The following TNR variants were observed in gnomAD, a reference collection of about 807,000 sequenced individuals.
TNR encodes tenascin R.
In TNR, 45 loss-of-function variants were observed where a neutral mutation model predicts 150.4. That is an observed-to-expected ratio of 0.30 (90% CI 0.24 to 0.38). The LOEUF is 0.38. TNR is among the 10% of genes least tolerant of loss of function. TNR has a pLI of 1.00. For missense variants in TNR, 1,544 were observed against 1,759.1 expected, an observed-to-expected ratio of 0.88 and a Z score of 2.19; for synonymous variants, 687 against 678.4, an observed-to-expected ratio of 1.01 and a Z score of -0.20.
intron 9 of TNR, among the ~76,000 whole-genome samples, chr1:175,378,785 C>A (rs1652529328): frequency 6.6e-6 from 1 of 152,168 alleles, no homozygotes; most frequent in Non-Finnish European, 1.5e-5. Flanking sequence ...CCAGGCAGGG[C>A]CTGGTGTCCA....
chr1:175,712,057 T>C (rs942126355), intron 1 of TNR, among the ~76,000 whole-genome samples: 1 of 152,098 alleles, frequency 6.6e-6, no homozygotes, highest in Non-Finnish European at 1.5e-5. Flanking sequence ...TAAAAACTAC[T>C]CTCCCCTCTT....
chr1:175,511,455 G>C (rs1659169250), intron 2 of TNR, among the ~76,000 whole-genome samples: 1 of 152,188 alleles, frequency 6.6e-6, no homozygotes, highest in Admixed American at 6.5e-5. Flanking sequence ...ATTTGATAGA[G>C]GAATGATGGA....
intron 1 of TNR, among the ~76,000 whole-genome samples, chr1:175,574,940 C>T (rs571472186): frequency 1.3e-5 from 2 of 152,346 alleles, no homozygotes; most frequent in African/African-American, 4.8e-5. Flanking sequence ...ATTAGGGATT[C>T]AGTGGTGGAC....
chr1:175,619,768 T>G (rs1366245762), intron 1 of TNR, among the ~76,000 whole-genome samples: 1 of 152,140 alleles, frequency 6.6e-6, no homozygotes, highest in African/African-American at 2.4e-5. Context: ...AGGAAATTGG[T>G]AGTAATCAAA....
At chr1:175,490,054 C>T (rs1658178788) in intron 2 of TNR, among the ~76,000 whole-genome samples, 1 of 152,128 alleles carries the variant, frequency 6.6e-6, no homozygotes, top group South Asian at 2.1e-4. Flanking sequence ...AAATAGAGAT[C>T]TCAGAAATAA....
intron 8 of TNR, among the ~76,000 whole-genome samples, chr1:175,381,643 G>A (rs1571363749): frequency 6.6e-6 from 1 of 152,174 alleles, no homozygotes; most frequent in African/African-American, 2.4e-5. Context: ...GCTGTTCCCT[G>A]CAACGTCAGC....
At chr1:175,641,584 G>A (rs1664662150) in intron 1 of TNR, among the ~76,000 whole-genome samples, 1 of 152,188 alleles carries the variant, frequency 6.6e-6, no homozygotes. Context: ...GAAGGAGGCT[G>A]CTCCACAGTG....
At chr1:175,684,827 C>T (rs1027188286) in intron 1 of TNR, among the ~76,000 whole-genome samples, 2 of 152,152 alleles carry the variant, frequency 1.3e-5, no homozygotes, top group African/African-American at 4.8e-5. Flanking sequence ...TGGGAAAGAA[C>T]TCTGTTTATC....
intron 2 of TNR, among the ~76,000 whole-genome samples, chr1:175,408,465 A>G (rs1471607776): frequency 1.3e-5 from 2 of 152,226 alleles, no homozygotes; most frequent in Admixed American, 6.5e-5. Context: ...GTATAAAATC[A>G]TGCCTTATTA....
chr1:175,545,842 A>T (rs1660664646), intron 1 of TNR, among the ~76,000 whole-genome samples: 1 of 152,232 alleles, frequency 6.6e-6, no homozygotes, highest in East Asian at 1.9e-4. Context: ...GTTGCCTCTC[A>T]CAGAGGTACA....
intron 8 of TNR, 83 bp from the exon 9 acceptor site, chr1:175,379,820 G>A: frequency 1.4e-6 from 2 of 1,471,802 alleles, no homozygotes; most frequent in African/African-American, 1.4e-5. Context: ...GAAAAGATTG[G>A]TGGTGACAGC....
In TNR at chr1:175,730,164, C is replaced by T. The variant is rs148413600; in HGVS notation, c.-165+13062G>A. Among the ~76,000 whole-genome samples, 7 of 152,288 alleles carry T rather than the reference C, an allele frequency of 4.6e-5. No homozygotes were observed. The East Asian group carries it at 9.7e-4, about 21-fold the overall frequency. On this transcript the variant is annotated intron_variant, in intron 1 of 22. Transcript: ENST00000367674. ...ATGCTTCTCTGTTCCAGCCACATCACGTTTCTCGGTTACCTTCCAATATGC... is the reference window on the plus strand; with the variant it reads ...ATGCTTCTCTGTTCCAGCCACATCATGTTTCTCGGTTACCTTCCAATATGC...
intron 2 of TNR, among the ~76,000 whole-genome samples, chr1:175,462,961 T>C (rs1656882474): frequency 6.6e-6 from 1 of 152,214 alleles, no homozygotes. Context: ...CCTTTGGACA[T>C]AGCGAGAGAG....
chr1:175,371,679 A>G (rs1246794223), intron 9 of TNR, among the ~76,000 whole-genome samples: 1 of 152,190 alleles, frequency 6.6e-6, no homozygotes, highest in East Asian at 1.9e-4. Flanking sequence ...ACGTTATTTA[A>G]TTTCCCTGAA....
At chr1:175,334,132 G>T (rs187760451) in intron 20 of TNR, among the ~76,000 whole-genome samples, 1 of 152,082 alleles carries the variant, frequency 6.6e-6, no homozygotes, top group Non-Finnish European at 1.5e-5. Context: ...CCATATTTGG[G>T]GTGTGAGGAA....
At chr1:175,439,711 G>A (rs36139619) in intron 2 of TNR, among the ~76,000 whole-genome samples, 25,553 of 152,020 alleles carry the variant, frequency 0.17, 2,356 homozygotes, top group African/African-American at 0.23. Context: ...GAAAGTGGGC[G>A]AAGGATATGA....
chr1:175,540,641 C>CA (rs1257980921), intron 1 of TNR, among the ~76,000 whole-genome samples: 3 of 152,084 alleles, frequency 2.0e-5, no homozygotes, highest in Non-Finnish European at 4.4e-5. Flanking sequence ...GACTTTGGCA[C>CA]TTTTTTTCCT....
intron 2 of TNR, among the ~76,000 whole-genome samples, chr1:175,459,799 T>C (rs1192581013): frequency 6.6e-6 from 1 of 152,140 alleles, no homozygotes; most frequent in Non-Finnish European, 1.5e-5. Context: ...TAGCCAGCAA[T>C]ACTGCCACAT....
At chr1:175,716,222 T>C (rs1667151808) in intron 1 of TNR, among the ~76,000 whole-genome samples, 1 of 152,200 alleles carries the variant, frequency 6.6e-6, no homozygotes, top group Non-Finnish European at 1.5e-5. Context: ...ACTACCACTT[T>C]TAGGAAGATG....
Sources: allele counts gnomAD v4.1 joint callset (sites outside exome capture counted in the v4.1 genomes callset), GRCh38; gene constraint gnomAD v4.1.1; transcripts MANE v1.5; gene names NCBI Gene and HGNC (gene_info 2026-07-23, HGNC 2026-07-21).